The following NREP variants were observed in gnomAD, a reference collection of about 807,000 sequenced individuals.
NREP encodes neuronal regeneration-related protein.
A neutral mutation model predicts 8.6 loss-of-function variants in NREP; 5 were observed. The ratio of observed to expected loss-of-function variants is 0.58; its 90% CI spans 0.30 to 1.22. NREP has a LOEUF of 1.22. NREP is among the 50% of genes most tolerant of loss of function. The pLI, the probability that NREP is intolerant of heterozygous loss-of-function variation, is 0.07. For missense variants in NREP, 86 were observed against 82.5 expected (o/e 1.04, Z -0.17); for synonymous variants, 27 against 28.0 (o/e 0.96, Z 0.11).
At position 111,921,393 on chromosome 5, in the gene NREP, C is replaced by G. The variant is rs189247732; in HGVS notation, c.135+53881G>C. On this transcript the variant is annotated intron_variant, in intron 2 of 3. Coordinates refer to the NREP transcript ENST00000395634. ...GACCAAGAGCCCCCCATGACTCTGA[C>G]AGTTGTCATATCTCAGAGGCCTGAT... is the stretch of plus-strand genomic sequence containing the variant. Among the ~76,000 whole-genome samples the G allele has an allele frequency of 2.5e-3, 379 of 152,176 alleles. 1 individual carries two copies. Among genetic ancestry groups the G allele is most frequent in the African/African-American group, 8.3e-3 (346 of 41,534 alleles).
At chr5:111,871,100 T>A (rs1271393730) in intron 2 of NREP, among the ~76,000 whole-genome samples, 4 of 137,132 alleles carry the variant, frequency 2.9e-5, no homozygotes, top group Non-Finnish European at 4.6e-5. Flanking sequence ...AGTCATGCAT[T>A]GCTTAACAGG....
At chr5:111,796,175 T>A (rs1454087842) in intron 2 of NREP, among the ~76,000 whole-genome samples, 1 of 152,170 alleles carries the variant, frequency 6.6e-6, no homozygotes, top group Non-Finnish European at 1.5e-5. Context: ...GACTCCTTCC[T>A]CCCGAGCAGT....
At chr5:111,815,210 T>G (rs916586557) in intron 2 of NREP, among the ~76,000 whole-genome samples, 5 of 152,166 alleles carry the variant, frequency 3.3e-5, no homozygotes, top group African/African-American at 9.6e-5. Context: ...AGGATATGCC[T>G]GGTAAATATT....
chr5:111,937,886 A>C (rs181339932), intron 2 of NREP, among the ~76,000 whole-genome samples: 294 of 152,100 alleles, frequency 1.9e-3, no homozygotes, highest in African/African-American at 6.8e-3. Context: ...CCTGATTCAA[A>C]GTTAGGTTGG....
intron 2 of NREP, among the ~76,000 whole-genome samples, chr5:111,890,645 G>A (rs1754371331): frequency 6.6e-6 from 1 of 152,226 alleles, no homozygotes; most frequent in African/African-American, 2.4e-5. Context: ...TGCCCTCACA[G>A]ACTTAACACT....
At chr5:111,946,022 G>A (rs917178114) in intron 2 of NREP, among the ~76,000 whole-genome samples, 3 of 151,256 alleles carry the variant, frequency 2.0e-5, no homozygotes, top group African/African-American at 7.3e-5. Context: ...AGCCCTACCT[G>A]ACACAAATGG....
chr5:111,963,307 G>T (rs1214891790), intron 2 of NREP, among the ~76,000 whole-genome samples: 1 of 152,188 alleles, frequency 6.6e-6, no homozygotes, highest in East Asian at 1.9e-4. Context: ...AAGTAAATGG[G>T]GCACCCCCAT....
intron 2 of NREP, among the ~76,000 whole-genome samples, chr5:111,869,132 A>G (rs1456090323): frequency 6.6e-6 from 1 of 152,196 alleles, no homozygotes; most frequent in Non-Finnish European, 1.5e-5. Context: ...TCTGTATGCA[A>G]CTATGAGTCT....
chr5:111,887,821 C>G (rs909254603), intron 2 of NREP, among the ~76,000 whole-genome samples: 2 of 152,194 alleles, frequency 1.3e-5, no homozygotes, highest in Non-Finnish European at 2.9e-5. Context: ...TAAATTTCTA[C>G]TTCAGCTTTA....
intron 2 of NREP, among the ~76,000 whole-genome samples, chr5:111,798,468 C>T (rs1433807887): frequency 3.9e-5 from 6 of 152,004 alleles, no homozygotes; most frequent in Admixed American, 1.3e-4. Context: ...ACCCATCACC[C>T]GAGCAGTGTA....
At chr5:111,947,697 C>T (rs528196385) in intron 2 of NREP, among the ~76,000 whole-genome samples, 152 of 152,160 alleles carry the variant, frequency 1.0e-3, no homozygotes, top group Non-Finnish European at 1.8e-3. Context: ...TTAATTAATA[C>T]TATACTCTTC....
intron 2 of NREP, among the ~76,000 whole-genome samples, chr5:111,917,246 C>T (rs1300032366): frequency 6.6e-6 from 1 of 152,068 alleles, no homozygotes; most frequent in Non-Finnish European, 1.5e-5. Context: ...AAGCCCAGGA[C>T]CAGATGGATT....
At chr5:111,770,232 AT>A (rs1483004434) in intron 2 of NREP, among the ~76,000 whole-genome samples, 1 of 152,178 alleles carries the variant, frequency 6.6e-6, no homozygotes, top group Non-Finnish European at 1.5e-5. Context: ...AAAAGCATTC[AT>A]GTTTTTCTTT....
At chr5:111,912,167 GCA>G (rs1430801212) in intron 2 of NREP, among the ~76,000 whole-genome samples, 1 of 151,946 alleles carries the variant, frequency 6.6e-6, no homozygotes. Context: ...TTCATCTTGT[GCA>G]CACATTCGTA....
chr5:111,880,035 T>A (rs2112511875), intron 2 of NREP, among the ~76,000 whole-genome samples: 1 of 152,338 alleles, frequency 6.6e-6, no homozygotes, highest in East Asian at 1.9e-4. Context: ...TTGAAATTAA[T>A]ATTCATTTCC....
intron 2 of NREP, among the ~76,000 whole-genome samples, chr5:111,869,963 C>CTTTAAA (rs1470536636): frequency 1.3e-5 from 2 of 151,788 alleles, no homozygotes; most frequent in Non-Finnish European, 2.9e-5. Context: ...CTGTGACTTA[C>CTTTAAA]TTTAAAGAAC....
intron 2 of NREP, among the ~76,000 whole-genome samples, chr5:111,813,068 T>C (rs1406590475): frequency 1.3e-5 from 2 of 152,168 alleles, no homozygotes; most frequent in Non-Finnish European, 1.5e-5. Flanking sequence ...TTTAAGTGTG[T>C]TCCAATGCAG....
intron 2 of NREP, among the ~76,000 whole-genome samples, chr5:111,921,704 C>T (rs1755244999): frequency 6.6e-6 from 1 of 152,116 alleles, no homozygotes; most frequent in Admixed American, 6.6e-5. Context: ...GCTATGATTC[C>T]CAGCTGATAT....
intron 2 of NREP, among the ~76,000 whole-genome samples, chr5:111,843,556 T>C (rs1375515423): frequency 6.6e-6 from 1 of 151,664 alleles, no homozygotes; most frequent in Admixed American, 6.6e-5. Context: ...TGTTTCTTTA[T>C]GGCCAGTTAC....
Sources: gnomAD v4.1 joint callset for allele counts (sites outside exome capture counted in the v4.1 genomes callset) on GRCh38, gnomAD v4.1.1 for gene constraint, MANE v1.5 for transcripts, NCBI Gene and HGNC (gene_info 2026-07-23, HGNC 2026-07-21) for gene names.